RIC1: variants seen among roughly 807,000 people sequenced by gnomAD.
The protein encoded by RIC1 is RIC1 partner of RAB6A GEF complex.
Under a neutral mutation model 169.0 loss-of-function variants are expected in RIC1, and 88 were observed. The observed-to-expected ratio is 0.52, with a 90% CI of 0.44 to 0.62. The LOEUF (loss-of-function observed/expected upper bound fraction) is 0.62, where lower values mean the gene tolerates loss of function less well. Among genes scored for constraint, RIC1 ranks in the 20% least tolerant of loss-of-function variants. The pLI is 0.00. For missense variants in RIC1, 1,877 were observed against 1,725.5 expected (o/e 1.09, Z -1.56); for synonymous variants, 790 against 601.5 (o/e 1.31, Z -4.59).
chr9:5,718,257 T>C (rs1337411835), intron 4 of RIC1, among the ~76,000 whole-genome samples: 1 of 152,110 alleles, frequency 6.6e-6, no homozygotes, highest in Non-Finnish European at 1.5e-5. Flanking sequence ...ACAATTTAGT[T>C]ACAGTTTGTT....
chr9:5,653,435 A>G (rs1453048048), intron 1 of RIC1, among the ~76,000 whole-genome samples: 1 of 152,228 alleles, frequency 6.6e-6, no homozygotes, highest in Non-Finnish European at 1.5e-5. Context: ...TATCAACTTT[A>G]GAGTGACTTT....
rs575937772 is a variant in RIC1, at chr9:5,744,630, T to A, written c.1095+893T>A. Among the ~76,000 whole-genome samples the A allele has an allele frequency of 7.9e-5, 12 of 152,320 alleles. No homozygotes were observed. In the East Asian group the frequency reaches 1.9e-3, roughly 24 times the overall value. ...ATGTAATGAATTTGTAATAATTTTG[T>A]ACATAAAACAAAATTTTGACTGCAG... On this transcript the variant is annotated intron_variant, in intron 10 of 25. Coordinates refer to ENST00000414202, the MANE Select transcript of RIC1 (RefSeq NM_020829.4).
chr9:5,681,519 A>G (rs1245129218), intron 2 of RIC1, among the ~76,000 whole-genome samples: 2 of 151,988 alleles, frequency 1.3e-5, no homozygotes, highest in African/African-American at 2.4e-5. Context: ...AGTTTGTTAT[A>G]ATTTCTGTTC....
At position 5,683,184 on chromosome 9, in the gene RIC1, T is replaced by C. The variant is rs532189999; in HGVS notation, c.253-6775T>C. 2.6e-5 allele frequency among the ~76,000 whole-genome samples: 4 copies of C among 152,342 alleles called. No individual in the cohort carries two copies. In the South Asian group the frequency reaches 8.3e-4, roughly 32 times the overall value. On this transcript the variant is annotated intron_variant, in intron 2 of 25. Transcript: ENST00000414202. ...TTCCATCAAGCTTTGTTACATTGTTTGTGAGGAGCTGCGTTCCTTTGGAGG... is the reference window on the plus strand; with the variant it reads ...TTCCATCAAGCTTTGTTACATTGTTCGTGAGGAGCTGCGTTCCTTTGGAGG...
intron 2 of RIC1, among the ~76,000 whole-genome samples, chr9:5,668,219 C>T (rs1819895176): frequency 6.9e-6 from 1 of 145,040 alleles, no homozygotes; most frequent in South Asian, 2.4e-4. Flanking sequence ...AATTACCTCC[C>T]GCCAGGTCCC....
chr9:5,711,102 T>C (rs1822902887), intron 3 of RIC1, among the ~76,000 whole-genome samples: 4 of 152,148 alleles, frequency 2.6e-5, no homozygotes. Context: ...CACATACTTG[T>C]AGAAAAATTA....
chr9:5,699,407 C>G (rs1159994498), intron 3 of RIC1, among the ~76,000 whole-genome samples: 1 of 152,112 alleles, frequency 6.6e-6, no homozygotes, highest in Non-Finnish European at 1.5e-5. Flanking sequence ...TGGGCCGTGG[C>G]CACCTGCAAT....
intron 3 of RIC1, among the ~76,000 whole-genome samples, chr9:5,711,204 C>A (rs796585872): frequency 7.9e-5 from 12 of 152,250 alleles, no homozygotes; most frequent in African/African-American, 2.9e-4. Context: ...ATAGGAATGT[C>A]ATTGAACTCC....
At chr9:5,635,980 C>T (rs891790527) in intron 1 of RIC1, among the ~76,000 whole-genome samples, 6 of 152,212 alleles carry the variant, frequency 3.9e-5, no homozygotes, top group East Asian at 1.9e-4. Context: ...GACTAACACA[C>T]AGGTAATGTG....
chr9:5,680,592 C>T (rs1820758744), intron 2 of RIC1, among the ~76,000 whole-genome samples: 2 of 152,136 alleles, frequency 1.3e-5, no homozygotes, highest in South Asian at 4.2e-4. Context: ...TGTATGTGTC[C>T]AGGAACTTAT....
chr9:5,679,037 G>A (rs1293134934), intron 2 of RIC1, among the ~76,000 whole-genome samples: 55 of 152,080 alleles, frequency 3.6e-4, no homozygotes, highest in Non-Finnish European at 2.5e-4. Flanking sequence ...TATAAGGAAG[G>A]GATCCAGTTT....
chr9:5,747,383 A>G lies in RIC1; in HGVS notation c.1330A>G (p.Arg444Gly), dbSNP rs1825441467. 1 of 1,614,078 alleles carries G rather than the reference A, an allele frequency of 6.2e-7. No individual in the cohort carries two copies. The highest frequency in any genetic ancestry group is 8.5e-7 in the Non-Finnish European group (1 of 1,179,938). ...CGEASQTQNP[R>G]SSSTHSEHKP... ...AGAGGCTTCACAAACCCAGAATCCCAGGAGTTCTTCAACACACTCTGAGCA... is the reference window on the plus strand; with the variant it reads ...AGAGGCTTCACAAACCCAGAATCCCGGGAGTTCTTCAACACACTCTGAGCA... Residue 444 changes from arginine to glycine, a missense_variant, in exon 12 of 26, where the codon AGG becomes GGG. By Grantham distance (125) the Arg-to-Gly change is moderately radical. This residue lies in a region of RIC1 where 1,104 missense variants were observed against 992.0 expected (regional missense o/e 1.11). Coordinates refer to ENST00000414202, the MANE Select transcript of RIC1 (RefSeq NM_020829.4).
At chr9:5,631,722 A>G (rs970936532) in intron 1 of RIC1, among the ~76,000 whole-genome samples, 1 of 151,610 alleles carries the variant, frequency 6.6e-6, no homozygotes, top group South Asian at 2.1e-4. Flanking sequence ...TATTGAACCA[A>G]GTGATTATAA....
chr9:5,632,488 A>G (rs1242102471), intron 1 of RIC1, among the ~76,000 whole-genome samples: 1 of 152,152 alleles, frequency 6.6e-6, no homozygotes, highest in Non-Finnish European at 1.5e-5. Context: ...AATTTGAGAA[A>G]TACAGTATAG....
intron 23 of RIC1, among the ~76,000 whole-genome samples, chr9:5,771,361 T>C (rs2131147616): frequency 6.6e-6 from 1 of 152,320 alleles, no homozygotes; most frequent in Admixed American, 6.5e-5. Context: ...AATGTCCTCA[T>C]GTTCATCCTT....
intron 15 of RIC1, among the ~76,000 whole-genome samples, chr9:5,755,249 T>G (rs1331706405): frequency 6.6e-6 from 1 of 152,194 alleles, no homozygotes; most frequent in East Asian, 1.9e-4. Context: ...ATAGATTTAT[T>G]TAGTTACTGA....
chr9:5,708,030 A>G (rs1340754735), intron 3 of RIC1, among the ~76,000 whole-genome samples: 1 of 151,564 alleles, frequency 6.6e-6, no homozygotes, highest in Admixed American at 6.6e-5. Flanking sequence ...GCATTGTACC[A>G]TTTCAACTCC....
chr9:5,742,890 C>G lies in RIC1; in HGVS notation c.923C>G (p.Ala308Gly). Reference sequence around the variant, plus strand: ...ACAGACATTTGGAATAAAACAGGAGCTGTTAAATTGATGAGATGGTCTCCT... The same window carrying G: ...ACAGACATTTGGAATAAAACAGGAGGTGTTAAATTGATGAGATGGTCTCCT... ...QYPDIWNKTG[A>G]VKLMRWSPDN... Residue 308 changes from alanine (A) to glycine (G), a missense_variant, in exon 9 of 26, where the codon GCT becomes GGT. Ala to Gly is a moderately conservative substitution (Grantham distance 60). Transcript: ENST00000414202. 1.2e-6 allele frequency: 2 copies of G among 1,611,774 alleles called. No homozygotes were observed. The highest frequency in any genetic ancestry group is 1.3e-5 in the African/African-American group (1 of 74,698).
At chr9:5,659,487 A>G (rs1406318087) in intron 2 of RIC1, among the ~76,000 whole-genome samples, 1 of 152,194 alleles carries the variant, frequency 6.6e-6, no homozygotes, top group Non-Finnish European at 1.5e-5. Flanking sequence ...AGTATCATCT[A>G]TAGTTTTGAC....
Sources: gnomAD v4.1 joint callset for allele counts (sites outside exome capture counted in the v4.1 genomes callset) on GRCh38, gnomAD v4.1.1 for gene constraint, gnomAD v4.1.1 regional missense constraint, MANE v1.5 for transcripts, NCBI Gene and HGNC (gene_info 2026-07-23, HGNC 2026-07-21) for gene names.